MGAT4C: variants seen among roughly 807,000 people sequenced by gnomAD.
MGAT4C encodes the protein MGAT4 family member C, also known as alpha-1,3-mannosyl-glycoprotein 4-beta-N-acetylglucosaminyltransferase C.
MGAT4C carries 19 observed loss-of-function variants against 40.1 expected under a neutral mutation model. That is an observed-to-expected ratio of 0.47 (90% CI 0.33 to 0.70). The LOEUF (loss-of-function observed/expected upper bound fraction) is 0.70. Ranked by LOEUF, MGAT4C falls within the 30% of genes least tolerant of loss-of-function variation. MGAT4C has a pLI of 0.02. For missense variants in MGAT4C, 491 were observed against 563.2 expected (o/e 0.87, Z 1.30); for synonymous variants, 181 against 187.1 (o/e 0.97, Z 0.27).
At chr12:86,738,889 A>G (rs1951023280) in intron 1 of MGAT4C, among the ~76,000 whole-genome samples, 1 of 151,008 alleles carries the variant, frequency 6.6e-6, no homozygotes, top group Non-Finnish European at 1.5e-5. Context: ...ATATTTTTTT[A>G]TGGTGTCCAT....
At chr12:86,407,054 T>A (rs551299418) in intron 3 of MGAT4C, among the ~76,000 whole-genome samples, 1 of 152,234 alleles carries the variant, frequency 6.6e-6, no homozygotes, top group East Asian at 1.9e-4. Flanking sequence ...TGATTTCCCC[T>A]ATGGATTGAA....
At chr12:86,001,623 A>G (rs926379658) in intron 2 of MGAT4C, 5 of 983,734 alleles carry the variant, frequency 5.1e-6, no homozygotes, top group Non-Finnish European at 6.0e-6. Flanking sequence ...TGAGTACACT[A>G]TACAGAGGCT....
rs1889736574 is a variant in MGAT4C, at chr12:86,193,348, A to G, written c.-57+62891T>C. On this transcript the variant is annotated intron_variant, in intron 1 of 4. Transcript: ENST00000611864. ...TACATTTTTCACTTTAAACAACATA[A>G]GGACCATAGAACTTCTCTCCTCACT... Among the ~76,000 whole-genome samples, 3 of 151,940 alleles carry G rather than the reference A, an allele frequency of 2.0e-5. No individual in the cohort carries two copies. In the South Asian group the frequency reaches 6.2e-4, roughly 31 times the overall value.
intron 1 of MGAT4C, among the ~76,000 whole-genome samples, chr12:86,193,773 A>G (rs1012110439): frequency 5.3e-5 from 8 of 152,124 alleles, no homozygotes; most frequent in Admixed American, 4.6e-4. Context: ...TTTTGTTTAA[A>G]TCAAAATATT....
intron 3 of MGAT4C, among the ~76,000 whole-genome samples, chr12:86,414,719 T>A (rs1956674310): frequency 6.6e-6 from 1 of 152,150 alleles, no homozygotes; most frequent in Non-Finnish European, 1.5e-5. Flanking sequence ...AGATTAGATA[T>A]TTTGCTACAA....
intron 2 of MGAT4C, among the ~76,000 whole-genome samples, chr12:86,663,695 G>A (rs1964034905): frequency 6.6e-6 from 1 of 152,050 alleles, no homozygotes; most frequent in South Asian, 2.1e-4. Flanking sequence ...GGGAAAGTGA[G>A]GTTTCAAAAA....
intron 2 of MGAT4C, among the ~76,000 whole-genome samples, chr12:86,715,440 A>G (rs1950629327): frequency 2.0e-5 from 3 of 152,040 alleles, no homozygotes; most frequent in Admixed American, 2.0e-4. Flanking sequence ...TGCTGATTAT[A>G]TTATTGTTTG....
At position 85,957,668 on chromosome 12, in the gene MGAT4C, AAAAAAG is replaced by A. The variant is rs1490501869; in HGVS notation, c.*21615_*21620del. Reference sequence around the variant, plus strand: ...GTTGAATAAGAAAGCAAAAAAAAAAAAAAAAGAAAAAAGAAAAAAAAAATCTATCAA... The same window carrying A: ...GTTGAATAAGAAAGCAAAAAAAAAAAAAAAAAGAAAAAAAAAATCTATCAA... On this transcript the variant is annotated 3_prime_UTR_variant, in exon 5 of 5. Coordinates refer to ENST00000611864, the MANE Select transcript of MGAT4C (RefSeq NM_001351288.2). The A allele has an allele frequency of 2.0e-4, 29 of 148,218 alleles. 1 individual carries two copies. Among genetic ancestry groups the A allele is most frequent in the African/African-American group, 7.1e-4 (28 of 39,364 alleles). 9.2% of individuals were successfully genotyped at this position (148,218 alleles called of 1,614,324 possible).
At chr12:86,717,654 A>G (rs1489437767) in intron 2 of MGAT4C, among the ~76,000 whole-genome samples, 1 of 152,180 alleles carries the variant, frequency 6.6e-6, no homozygotes, top group Non-Finnish European at 1.5e-5. Flanking sequence ...GTTTTTATTC[A>G]AACAATGGAA....
At chr12:86,294,130 T>TA (rs5799776) in intron 4 of MGAT4C, among the ~76,000 whole-genome samples, 96,056 of 149,312 alleles carry the variant, frequency 0.64, 31,114 homozygotes, top group South Asian at 0.75. Flanking sequence ...AAAACAATAT[T>TA]AAAAAAAAAA....
At chr12:86,227,457 A>G (rs537497700) in intron 1 of MGAT4C, among the ~76,000 whole-genome samples, 8 of 151,960 alleles carry the variant, frequency 5.3e-5, no homozygotes, top group Non-Finnish European at 1.0e-4. Flanking sequence ...ACTTCAAAGC[A>G]TTTGTTCTCT....
intron 2 of MGAT4C, among the ~76,000 whole-genome samples, chr12:86,649,994 T>C (rs185809077): frequency 2.5e-4 from 38 of 151,982 alleles, no homozygotes; most frequent in Non-Finnish European, 4.4e-4. Flanking sequence ...GTCTGGAAAA[T>C]TGAAAAAAGT....
At chr12:86,374,655 C>G (rs1386370203) in intron 3 of MGAT4C, among the ~76,000 whole-genome samples, 1 of 152,042 alleles carries the variant, frequency 6.6e-6, no homozygotes, top group African/African-American at 2.4e-5. Flanking sequence ...AAGCTGAGAT[C>G]AGAAATAAGG....
At chr12:86,241,136 G>T (rs1351729506) in intron 1 of MGAT4C, among the ~76,000 whole-genome samples, 1 of 152,078 alleles carries the variant, frequency 6.6e-6, no homozygotes, top group African/African-American at 2.4e-5. Context: ...ATATCCATCT[G>T]TCCCTCACTG....
At chr12:86,177,274 T>A (rs1338250132) in intron 1 of MGAT4C, among the ~76,000 whole-genome samples, 4 of 152,180 alleles carry the variant, frequency 2.6e-5, no homozygotes, top group Non-Finnish European at 5.9e-5. Context: ...TGAAAATAGA[T>A]ATTCTGATGG....
chr12:86,100,644 T>A (rs1306770459), intron 1 of MGAT4C, among the ~76,000 whole-genome samples: 1 of 151,508 alleles, frequency 6.6e-6, no homozygotes, highest in African/African-American at 2.4e-5. Context: ...AGTGTATATA[T>A]TCATAATTGG....
At chr12:86,690,980 C>G (rs1198717981) in intron 2 of MGAT4C, among the ~76,000 whole-genome samples, 1 of 152,006 alleles carries the variant, frequency 6.6e-6, no homozygotes, top group Non-Finnish European at 1.5e-5. Context: ...TATTCTTTAC[C>G]ATAAACCTTG....
At chr12:86,496,917 C>A (rs1050379282) in intron 2 of MGAT4C, among the ~76,000 whole-genome samples, 1 of 151,766 alleles carries the variant, frequency 6.6e-6, no homozygotes, top group Non-Finnish European at 1.5e-5. Context: ...CCATATTGAA[C>A]CCTAATAGAT....
intron 3 of MGAT4C, among the ~76,000 whole-genome samples, chr12:86,380,280 G>GA (rs1012761995): frequency 1.3e-5 from 2 of 151,912 alleles, no homozygotes; most frequent in South Asian, 2.1e-4. Flanking sequence ...TTAAAAAATT[G>GA]AAAAAAATTC....
Sources: allele counts gnomAD v4.1 joint callset (sites outside exome capture counted in the v4.1 genomes callset), GRCh38; gene constraint gnomAD v4.1.1; transcripts MANE v1.5; gene names NCBI Gene and HGNC (gene_info 2026-07-23, HGNC 2026-07-21).